Variants in ARHGEF28 observed in about 807,000 individuals in gnomAD.
The protein encoded by ARHGEF28 is 190 kDa guanine nucleotide exchange factor.
In ARHGEF28, 152 loss-of-function variants were observed where a neutral mutation model predicts 206.6. The observed-to-expected ratio is 0.74, with a 90% CI of 0.64 to 0.84. The LOEUF is 0.84. Among genes scored for constraint, ARHGEF28 ranks in the 40% least tolerant of loss-of-function variants. The pLI, the probability that ARHGEF28 is intolerant of heterozygous loss-of-function variation, is 0.00. For missense variants in ARHGEF28, 2,028 were observed against 2,073.2 expected (o/e 0.98, Z 0.42); for synonymous variants, 763 against 776.4 (o/e 0.98, Z 0.29).
At chr5:73,649,840 T>C (rs1486246886) in intron 1 of ARHGEF28, among the ~76,000 whole-genome samples, 1 of 152,114 alleles carries the variant, frequency 6.6e-6, no homozygotes, top group African/African-American at 2.4e-5. Context: ...CAGTGAGTGG[T>C]GGCAAAGAAA....
intron 7 of ARHGEF28, among the ~76,000 whole-genome samples, chr5:73,787,263 ACT>A (rs1283334335): frequency 6.6e-6 from 1 of 151,944 alleles, no homozygotes; most frequent in Non-Finnish European, 1.5e-5. Flanking sequence ...CTCTACCTTG[ACT>A]CTCATGTGAA....
chr5:73,702,757 A>G (rs1001841212), intron 2 of ARHGEF28, among the ~76,000 whole-genome samples: 1 of 152,154 alleles, frequency 6.6e-6, no homozygotes, highest in East Asian at 1.9e-4. Flanking sequence ...GTGGTATGGT[A>G]TAGATTTTGA....
At chr5:73,639,615 A>C (rs151245230) in intron 1 of ARHGEF28, among the ~76,000 whole-genome samples, 66 of 152,278 alleles carry the variant, frequency 4.3e-4, no homozygotes, top group African/African-American at 1.6e-3. Flanking sequence ...TACAATAGAT[A>C]ATTTCTAATA....
At chr5:73,715,944 G>T (rs1035654782) in intron 2 of ARHGEF28, among the ~76,000 whole-genome samples, 4 of 152,166 alleles carry the variant, frequency 2.6e-5, no homozygotes, top group African/African-American at 9.7e-5. Flanking sequence ...CACTTACACG[G>T]GTATCAGCTA....
intron 9 of ARHGEF28, among the ~76,000 whole-genome samples, chr5:73,800,765 G>C (rs1246159540): frequency 6.6e-6 from 1 of 152,208 alleles, no homozygotes; most frequent in Non-Finnish European, 1.5e-5. Context: ...TTTCATGACT[G>C]TAGACAAGAC....
chr5:73,681,998 T>G (rs185807060), intron 1 of ARHGEF28, among the ~76,000 whole-genome samples: 8 of 152,292 alleles, frequency 5.3e-5, no homozygotes, highest in Admixed American at 4.6e-4. Flanking sequence ...GCAAGAGGAT[T>G]GCTTGAGCCC....
chr5:73,932,700 A>G (rs1764190528), intron 35 of ARHGEF28, among the ~76,000 whole-genome samples: 1 of 150,894 alleles, frequency 6.6e-6, no homozygotes, highest in Non-Finnish European at 1.5e-5. Flanking sequence ...TCACTAATTC[A>G]TTTATTCATT....
At chr5:73,639,191 C>T (rs1476814531) in intron 1 of ARHGEF28, among the ~76,000 whole-genome samples, 1 of 150,264 alleles carries the variant, frequency 6.7e-6, no homozygotes, top group Admixed American at 6.7e-5. Flanking sequence ...ATTCAGTCAC[C>T]TCTTGAGAGA....
At chr5:73,890,468 A>G (rs1052088781) in intron 26 of ARHGEF28, among the ~76,000 whole-genome samples, 1 of 152,190 alleles carries the variant, frequency 6.6e-6, no homozygotes, top group South Asian at 2.1e-4. Flanking sequence ...TGCTCCAAGG[A>G]TCTCCCTAAT....
At chr5:73,680,914 G>C (rs528942642) in intron 1 of ARHGEF28, among the ~76,000 whole-genome samples, 1 of 151,910 alleles carries the variant, frequency 6.6e-6, no homozygotes, top group South Asian at 2.1e-4. Context: ...TGTTGCCCAG[G>C]CTGGTCTCAA....
chr5:73,894,839 T>TGG (rs1761866379), intron 29 of ARHGEF28, among the ~76,000 whole-genome samples: 1 of 152,066 alleles, frequency 6.6e-6, no homozygotes, highest in Non-Finnish European at 1.5e-5. Flanking sequence ...TTAGATAGGG[T>TGG]GGCCAGGGAA....
chr5:73,684,889 G>T lies in ARHGEF28; in HGVS notation c.33+5G>T. On this transcript the variant is annotated splice_donor_5th_base_variant and intron_variant, in intron 2 of 35. Coordinates refer to ENST00000513042, the MANE Select transcript of ARHGEF28 (RefSeq NM_001177693.2). ...TGCAGCGAAGCACCTCTTTACGTAA[G>T]TTGCTAAGCACGGGGCTTCAGGTCC... 6.2e-7 allele frequency: 1 copy of T among 1,612,120 alleles called. No individual in the cohort carries two copies. The highest frequency in any genetic ancestry group is 8.5e-7 in the Non-Finnish European group (1 of 1,178,874).
intron 20 of ARHGEF28, among the ~76,000 whole-genome samples, chr5:73,869,754 A>T (rs1759974084): frequency 6.6e-6 from 1 of 152,058 alleles, no homozygotes; most frequent in Admixed American, 6.6e-5. Flanking sequence ...CAAAAATATA[A>T]AAACTAAGCT....
chr5:73,752,747 A>G (rs1345139412), intron 3 of ARHGEF28, among the ~76,000 whole-genome samples, 162 bp from the exon 4 acceptor site: 1 of 152,188 alleles, frequency 6.6e-6, no homozygotes, highest in African/African-American at 2.4e-5. Flanking sequence ...TTTGGCCCAC[A>G]TGCTTGGCAG....
At chr5:73,708,138 A>G (rs1334602258) in intron 2 of ARHGEF28, among the ~76,000 whole-genome samples, 2 of 151,888 alleles carry the variant, frequency 1.3e-5, no homozygotes, top group Non-Finnish European at 2.9e-5. Context: ...GAGTTTGTAT[A>G]TGGTTCTTTT....
At chr5:73,894,178 T>G (rs1327880735) in intron 28 of ARHGEF28, among the ~76,000 whole-genome samples, 3 of 152,082 alleles carry the variant, frequency 2.0e-5, no homozygotes, top group Admixed American at 2.0e-4. Context: ...GAAAAGACAA[T>G]GGAAGCTGAG....
intron 10 of ARHGEF28, among the ~76,000 whole-genome samples, chr5:73,834,546 G>C (rs964175318): frequency 7.6e-4 from 10 of 13,210 alleles, no homozygotes; most frequent in African/African-American, 1.2e-3. Flanking sequence ...ATATTCCTGT[G>C]TGTGTGTGTG....
At chr5:73,893,098 T>C (rs530845538) in intron 27 of ARHGEF28, 99 bp from the exon 28 acceptor site, 1 of 1,015,130 alleles carries the variant, frequency 9.9e-7, no homozygotes, top group African/African-American at 1.7e-5. Flanking sequence ...TTTTCTCCTT[T>C]ATGAATAAAT....
Position 73,886,077 on chromosome 5 carries a change from T to C in ARHGEF28, c.3283T>C (p.Trp1095Arg). 8 of 1,613,282 alleles carry C rather than the reference T, an allele frequency of 5.0e-6. No individual in the cohort carries two copies. Among genetic ancestry groups the C allele is most frequent in the Non-Finnish European group, 6.8e-6 (8 of 1,179,634 alleles). The change falls in exon 25 of 36, where the codon TGG (tryptophan) becomes CGG (arginine). Residue 1095 changes from tryptophan (W) to arginine (R), a missense_variant. Trp to Arg is a moderately radical substitution (Grantham distance 101). Transcript: ENST00000513042. ...RTLLYDGLVYWKTATGRFKDI... is the reference protein window; with the variant it reads ...RTLLYDGLVYRKTATGRFKDI... ...TCTGTTATATGATGGCCTTGTTTAC[T>C]GGAAAACTGCTACAGGTCGTTTCAA...
Sources: gnomAD v4.1 joint callset for allele counts (sites outside exome capture counted in the v4.1 genomes callset) on GRCh38, gnomAD v4.1.1 for gene constraint, MANE v1.5 for transcripts, NCBI Gene and HGNC (gene_info 2026-07-23, HGNC 2026-07-21) for gene names.